Variants in NEDD4 observed in about 807,000 individuals in gnomAD.
NEDD4 encodes the protein E3 ubiquitin-protein ligase NEDD4.
NEDD4 carries 99 observed loss-of-function variants against 144.9 expected under a neutral mutation model. That is an observed-to-expected ratio of 0.68 (90% CI 0.58 to 0.81). The LOEUF is 0.81. Ranked by LOEUF, NEDD4 falls within the 30% of genes least tolerant of loss-of-function variation. The pLI, the probability that NEDD4 is intolerant of heterozygous loss-of-function variation, is 0.00. For missense variants in NEDD4, 985 were observed against 1,065.9 expected (o/e 0.92, Z 1.06); for synonymous variants, 318 against 350.6 (o/e 0.91, Z 1.04).
chr15:55,845,729 C>T (rs1186747382), intron 18 of NEDD4, among the ~76,000 whole-genome samples: 4 of 151,636 alleles, frequency 2.6e-5, no homozygotes, highest in Admixed American at 2.6e-4. Flanking sequence ...TTTAAAATCC[C>T]AAAGTCTAGA....
chr15:55,907,106 A>C (rs1325151946), intron 5 of NEDD4, among the ~76,000 whole-genome samples: 1 of 151,932 alleles, frequency 6.6e-6, no homozygotes, highest in Non-Finnish European at 1.5e-5. Flanking sequence ...AATAAAAAAA[A>C]ATAAAAATAA....
chr15:55,847,181 A>C, intron 17 of NEDD4, 147 bp from the exon 18 acceptor site: 1 of 471,630 alleles, frequency 2.1e-6, no homozygotes, highest in African/African-American at 2.0e-5. Flanking sequence ...ACAAATACAA[A>C]ACTTTAAACT....
intron 4 of NEDD4, among the ~76,000 whole-genome samples, chr15:55,928,889 A>C (rs1180595229): frequency 6.6e-6 from 1 of 152,264 alleles, no homozygotes; most frequent in East Asian, 1.9e-4. Context: ...AATATAGTTT[A>C]AAATGTGTAG....
At chr15:55,847,659 ATTTCTT>A (rs1356834892) in intron 17 of NEDD4, among the ~76,000 whole-genome samples, 1 of 146,342 alleles carries the variant, frequency 6.8e-6, no homozygotes, top group African/African-American at 2.5e-5. Context: ...ATTTACAATG[ATTTCTT>A]TTTCTTTTTC....
intron 24 of NEDD4, among the ~76,000 whole-genome samples, chr15:55,837,428 C>T (rs538042665): frequency 4.2e-4 from 17 of 40,950 alleles, no homozygotes; most frequent in Non-Finnish European, 8.1e-4. Context: ...ACTCACTCCG[C>T]GCTCAAAAAA....
chr15:55,836,430 G>A (rs1220516942), intron 24 of NEDD4, among the ~76,000 whole-genome samples: 1 of 151,864 alleles, frequency 6.6e-6, no homozygotes, highest in Non-Finnish European at 1.5e-5. Context: ...TGCCATCATA[G>A]CTCATAGCTG....
chr15:55,991,169 T>G (rs1263360595), intron 1 of NEDD4, among the ~76,000 whole-genome samples: 4 of 152,244 alleles, frequency 2.6e-5, no homozygotes, highest in Non-Finnish European at 5.9e-5. Flanking sequence ...TCCTCTCCTT[T>G]TGTTGTAATG....
At chr15:55,841,735 G>T (rs2033514267) in intron 19 of NEDD4, among the ~76,000 whole-genome samples, 199 bp downstream of exon 19, 1 of 152,010 alleles carries the variant, frequency 6.6e-6, no homozygotes, top group African/African-American at 2.4e-5. Context: ...CCACGCCTGG[G>T]TAAGTTTTTG....
At position 55,848,307 on chromosome 15, in the gene NEDD4, T is replaced by C. The variant is rs143748221; in HGVS notation, c.1542+65A>G. 4.8e-5 allele frequency: 71 copies of C among 1,490,172 alleles called. No homozygotes were observed. In the East Asian group the frequency reaches 1.6e-3, roughly 33 times the overall value. 92.3% of individuals were successfully genotyped at this position (1,490,172 alleles called of 1,614,324 possible). The stretch of plus-strand genomic sequence containing the variant: ...ATGCCTGTAGGGTTATGCCCGTGAC[T>C]ATCTGCTCTTGAAGAGACAGGTGAG... On this transcript the variant is annotated intron_variant, in intron 17 of 28. Coordinates refer to ENST00000435532, the MANE Select transcript of NEDD4 (RefSeq NM_006154.4).
At chr15:55,962,677 C>G (rs1372589266) in intron 2 of NEDD4, among the ~76,000 whole-genome samples, 1 of 152,116 alleles carries the variant, frequency 6.6e-6, no homozygotes, top group African/African-American at 2.4e-5. Flanking sequence ...CTCCTGACCT[C>G]AGGTGATCCA....
intron 2 of NEDD4, among the ~76,000 whole-genome samples, chr15:55,954,507 G>C: frequency 6.6e-6 from 1 of 151,058 alleles, no homozygotes; most frequent in Admixed American, 6.6e-5. Flanking sequence ...ACAATACACA[G>C]ACACTGTGTT....
chr15:55,902,170 A>G (rs957920478), intron 5 of NEDD4, among the ~76,000 whole-genome samples: 9 of 152,192 alleles, frequency 5.9e-5, no homozygotes, highest in African/African-American at 1.4e-4. Flanking sequence ...TAACCCATGC[A>G]TTATCAAAAG....
chr15:55,886,444 G>C (rs2035390009), intron 5 of NEDD4, among the ~76,000 whole-genome samples: 1 of 152,056 alleles, frequency 6.6e-6, no homozygotes, highest in African/African-American at 2.4e-5. Flanking sequence ...CATTTATTAG[G>C]CCACAAAATA....
At chr15:55,946,955 C>T (rs540985664) in intron 4 of NEDD4, among the ~76,000 whole-genome samples, 1 of 152,272 alleles carries the variant, frequency 6.6e-6, no homozygotes, top group African/African-American at 2.4e-5. Context: ...TTCTTTGAAA[C>T]CAATGAGAAC....
At chr15:55,938,788 C>A (rs1362919945) in intron 4 of NEDD4, among the ~76,000 whole-genome samples, 2 of 151,708 alleles carry the variant, frequency 1.3e-5, no homozygotes, top group African/African-American at 4.8e-5. Flanking sequence ...AAAAAACAAG[C>A]ATCAACAACA....
chr15:55,867,234 C>A (rs1211842529), intron 8 of NEDD4, among the ~76,000 whole-genome samples: 1 of 152,174 alleles, frequency 6.6e-6, no homozygotes, highest in African/African-American at 2.4e-5. Context: ...CTAGGCAAGA[C>A]TCCTCTAGTC....
rs560651508 is a variant in NEDD4, at chr15:55,872,546, A to C, written c.343-70T>G. The C allele has an allele frequency of 6.7e-6, 4 of 600,486 alleles. No homozygotes were observed. The East Asian group carries it at 1.4e-4, about 21-fold the overall frequency. The allele number at this position is 600,486 out of a possible 1,614,324, so 37.2% of individuals were successfully genotyped here. On this transcript the variant is annotated intron_variant, in intron 6 of 28. Coordinates refer to ENST00000435532, the MANE Select transcript of NEDD4 (RefSeq NM_006154.4). ...AAGCATGTACTTTTCAAGAATACTC[A>C]TGAACTATCACCTAAGGCATAATTT... is the stretch of plus-strand genomic sequence containing the variant.
At chr15:55,912,888 A>G (rs1795833292) in intron 5 of NEDD4, among the ~76,000 whole-genome samples, 1 of 152,164 alleles carries the variant, frequency 6.6e-6, no homozygotes, top group South Asian at 2.1e-4. Context: ...TATGCCTGAA[A>G]TCAACATTAT....
At chr15:55,926,385 T>C (rs2036665934) in intron 4 of NEDD4, among the ~76,000 whole-genome samples, 1 of 152,176 alleles carries the variant, frequency 6.6e-6, no homozygotes, top group Non-Finnish European at 1.5e-5. Context: ...GTTGTTAGGA[T>C]AGCTGGCACT....
Sources: gnomAD v4.1 joint callset for allele counts (sites outside exome capture counted in the v4.1 genomes callset) on GRCh38, gnomAD v4.1.1 for gene constraint, MANE v1.5 for transcripts, NCBI Gene and HGNC (gene_info 2026-07-23, HGNC 2026-07-21) for gene names.